SP140L: variants seen among roughly 807,000 people sequenced by gnomAD.
SP140L encodes nuclear body protein SP140-like protein.
In SP140L, 64 loss-of-function variants were observed where a neutral mutation model predicts 84.3. The ratio of observed to expected loss-of-function variants is 0.76; its 90% confidence interval spans 0.62 to 0.94. The LOEUF (loss-of-function observed/expected upper bound fraction) is 0.94, where lower values mean the gene tolerates loss of function less well. SP140L is among the 40% of genes least tolerant of loss of function. The pLI is 0.00. For missense variants in SP140L, 628 were observed against 692.5 expected, an observed-to-expected ratio of 0.91 and a Z score of 1.05; for synonymous variants, 242 against 236.9, an observed-to-expected ratio of 1.02 and a Z score of -0.20.
chr2:230,389,695 T>C (rs996048051), intron 10 of SP140L, among the ~76,000 whole-genome samples: 2 of 152,250 alleles, frequency 1.3e-5, no homozygotes, highest in Admixed American at 6.5e-5. Context: ...CTAATTTCTC[T>C]GATAAAGCAT....
chr2:230,379,199 TTTTA>T lies in SP140L; in HGVS notation c.638-4307_638-4304del, dbSNP rs1273334862. ...TGATAATCTTAGCTTTTTAATGAATTTTTATTTGTTTTCATTTATTATGATTCCA... is the reference window on the plus strand; with the variant it reads ...TGATAATCTTAGCTTTTTAATGAATTTTTGTTTTCATTTATTATGATTCCA... On this transcript the variant is annotated intron_variant, in intron 7 of 18. Transcript: ENST00000415673. Among the ~76,000 whole-genome samples, 6 of 152,302 alleles carry T rather than the reference TTTTA, an allele frequency of 3.9e-5. No homozygotes were observed. The South Asian group carries it at 6.2e-4, about 16-fold the overall frequency.
intron 15 of SP140L, chr2:230,400,631 C>T (rs2149835379): frequency 7.6e-6 from 4 of 529,290 alleles, no homozygotes; most frequent in Non-Finnish European, 1.4e-5. Context: ...GCCTGACGTC[C>T]CTGGAGTTGA....
intron 7 of SP140L, among the ~76,000 whole-genome samples, chr2:230,377,581 A>G (rs2061284147): frequency 6.6e-6 from 1 of 152,158 alleles, no homozygotes; most frequent in African/African-American, 2.4e-5. Flanking sequence ...TTCAGCTATT[A>G]CAAATAAAGC....
At chr2:230,358,904 A>G (rs2149733760) in intron 3 of SP140L, 60 bp from the exon 4 acceptor site, 4 of 1,419,060 alleles carry the variant, frequency 2.8e-6, no homozygotes, top group Non-Finnish European at 3.8e-6. Flanking sequence ...ATTTGTTTTT[A>G]TGGCTCTTCT....
intron 2 of SP140L, among the ~76,000 whole-genome samples, chr2:230,332,568 C>T (rs533329175): frequency 6.6e-6 from 1 of 152,300 alleles, no homozygotes; most frequent in East Asian, 1.9e-4. Flanking sequence ...TCAGTGTTAT[C>T]GTTATGAGGG....
At chr2:230,329,680 C>T (rs1300994389) in intron 2 of SP140L, among the ~76,000 whole-genome samples, 1 of 152,218 alleles carries the variant, frequency 6.6e-6, no homozygotes. Flanking sequence ...CCTTCACCTT[C>T]TGCCATGATT....
intron 2 of SP140L, among the ~76,000 whole-genome samples, chr2:230,332,298 T>A (rs1294254902): frequency 2.0e-5 from 3 of 152,234 alleles, no homozygotes; most frequent in Non-Finnish European, 4.4e-5. Context: ...GACCTTAAAA[T>A]ACAAAAGTAG....
chr2:230,365,487 C>T (rs932325883), intron 5 of SP140L, among the ~76,000 whole-genome samples: 29 of 151,776 alleles, frequency 1.9e-4, no homozygotes, highest in African/African-American at 7.0e-4. Flanking sequence ...GTTACAGCGT[C>T]TTCTCTTTTA....
intron 12 of SP140L, among the ~76,000 whole-genome samples, chr2:230,392,905 G>T (rs891595736): frequency 6.6e-6 from 1 of 152,238 alleles, no homozygotes; most frequent in African/African-American, 2.4e-5. Context: ...ATAGCCATGG[G>T]TCCTCCCTTC....
At chr2:230,388,293 G>A (rs1200808204) in intron 9 of SP140L, among the ~76,000 whole-genome samples, 1 of 152,062 alleles carries the variant, frequency 6.6e-6, no homozygotes, top group African/African-American at 2.4e-5. Context: ...ATGGAATGAA[G>A]TATTTATACT....
chr2:230,330,544 A>G (rs1471766245), intron 2 of SP140L, among the ~76,000 whole-genome samples: 1 of 152,216 alleles, frequency 6.6e-6, no homozygotes, highest in African/African-American at 2.4e-5. Flanking sequence ...CTATAGATCA[A>G]TTTGAAGAGA....
Position 230,403,097 on chromosome 2 carries a change from A to G in SP140L, c.*201A>G, listed in dbSNP as rs1420246359. 3.8e-6 allele frequency: 2 copies of G among 523,380 alleles called. No individual in the cohort carries two copies. Among genetic ancestry groups the G allele is most frequent in the Non-Finnish European group, 6.7e-6 (2 of 299,960 alleles). 32.4% of individuals were successfully genotyped at this position (523,380 alleles called of 1,614,324 possible). A position where few individuals can be genotyped will look rare whatever the true frequency, so the allele number is the denominator to read the frequency against. ...GAATCTCATCAACCAGGGAAGAGGAACTGAGATCACAGGGAAGGAGATTGG... is the reference window on the plus strand; with the variant it reads ...GAATCTCATCAACCAGGGAAGAGGAGCTGAGATCACAGGGAAGGAGATTGG... On this transcript the variant is annotated 3_prime_UTR_variant, in exon 19 of 19. Coordinates refer to ENST00000415673, the MANE Select transcript of SP140L (RefSeq NM_138402.6).
At chr2:230,354,031 T>C (rs2149720298) in intron 2 of SP140L, among the ~76,000 whole-genome samples, 1 of 152,284 alleles carries the variant, frequency 6.6e-6, no homozygotes, top group South Asian at 2.1e-4. Flanking sequence ...CCAACCCTGC[T>C]CAAAATTTTA....
rs200682174 is a variant in SP140L, at chr2:230,354,817, AAAAG to A, written c.108-2978_108-2975del. 1.8e-3 allele frequency among the ~76,000 whole-genome samples: 261 copies of A among 143,436 alleles called. 4 individuals are homozygous for A. Among genetic ancestry groups the A allele is most frequent in the African/African-American group, 4.1e-3 (158 of 38,994 alleles). 94.1% of individuals were successfully genotyped at this position (143,436 alleles called of 152,430 possible). ...GGGGGAAGAGAGAGAGAGAGAAAGA[AAAAG>A]AAAGAAAGAGACAAGAAAGAAAGAA... On this transcript the variant is annotated intron_variant, in intron 2 of 18. Coordinates refer to ENST00000415673, the MANE Select transcript of SP140L (RefSeq NM_138402.6).
intron 7 of SP140L, among the ~76,000 whole-genome samples, chr2:230,378,629 A>G (rs999915618): frequency 6.6e-6 from 1 of 152,216 alleles, no homozygotes; most frequent in Admixed American, 6.5e-5. Flanking sequence ...TCAGGAGTGG[A>G]AAGTAGATAT....
At chr2:230,356,381 G>A (rs1238304289) in intron 2 of SP140L, among the ~76,000 whole-genome samples, 1 of 152,104 alleles carries the variant, frequency 6.6e-6, no homozygotes, top group Non-Finnish European at 1.5e-5. Flanking sequence ...CGCAGACTGT[G>A]GTAGATTCAC....
In SP140L at chr2:230,392,188, AG is replaced by A; in HGVS notation, c.1067del (p.Ser356MetfsTer12). 1 of 1,614,110 alleles carries A rather than the reference AG, an allele frequency of 6.2e-7. No homozygotes were observed. Among genetic ancestry groups the A allele is most frequent in the South Asian group, 1.1e-5 (1 of 91,090 alleles). ...CGCAAGATCAAAGAACTGGAGGCTG[AG>A]TGTGCGCTGTGGCGGGTGGCCCCTA... is the stretch of plus-strand genomic sequence containing the variant. ...GYARSKNWRL[S>X]VRCGGWPLRR... On this transcript the variant is annotated frameshift_variant, in exon 12 of 19. Coordinates refer to ENST00000415673, the MANE Select transcript of SP140L (RefSeq NM_138402.6). LOFTEE classifies it high-confidence loss of function.
rs190677195 is a variant in SP140L at position 230,387,857 on chromosome 2, C to T, written c.785-702C>T. ...AATTCTACCCATTCCTCATGGTTAA[C>T]CTTCTTCTGATTAGTTTCTTAGATC... On this transcript the variant is annotated intron_variant, in intron 9 of 18. Transcript: ENST00000415673. Among the ~76,000 whole-genome samples the T allele has an allele frequency of 2.6e-5, 4 of 152,236 alleles. No homozygotes were observed. The East Asian group carries it at 7.7e-4, about 29-fold the overall frequency.
At chr2:230,365,582 A>G (rs958912285) in intron 5 of SP140L, among the ~76,000 whole-genome samples, 1 of 151,000 alleles carries the variant, frequency 6.6e-6, no homozygotes, top group Non-Finnish European at 1.5e-5. Context: ...TCAAAAACCA[A>G]CTCTGTTTAG....
Sources: gnomAD v4.1 joint callset for allele counts (sites outside exome capture counted in the v4.1 genomes callset) on GRCh38, gnomAD v4.1.1 for gene constraint, MANE v1.5 for transcripts, NCBI Gene and HGNC (gene_info 2026-07-23, HGNC 2026-07-21) for gene names.